RAB7A: variants seen among roughly 807,000 people sequenced by gnomAD.
RAB7A encodes RAB7A, member RAS oncogene family.
A neutral mutation model predicts 24.5 loss-of-function variants in RAB7A; 2 were observed. That is an observed-to-expected ratio of 0.08 (90% CI 0.03 to 0.26). RAB7A has a LOEUF of 0.26. Ranked by LOEUF, RAB7A falls within the 10% of genes least tolerant of loss-of-function variation. The probability of loss-of-function intolerance (pLI) is 1.00; values close to 1 mark genes in which losing one functional copy is unlikely to be tolerated. For synonymous variants in RAB7A, 100 were observed against 95.9 expected, an observed-to-expected ratio of 1.04 and a Z score of -0.25; for missense variants, 118 against 255.7, an observed-to-expected ratio of 0.46 and a Z score of 3.67.
intron 1 of RAB7A, among the ~76,000 whole-genome samples, chr3:128,781,120 GGACATTA>G (rs1933209584): frequency 6.6e-6 from 1 of 152,150 alleles, no homozygotes; most frequent in South Asian, 2.1e-4. Context: ...AATACAACAA[GGACATTA>G]GACTCATGTC....
At chr3:128,807,219 C>A (rs1933823170) in intron 4 of RAB7A, among the ~76,000 whole-genome samples, 1 of 152,146 alleles carries the variant, frequency 6.6e-6, no homozygotes, top group Non-Finnish European at 1.5e-5. Flanking sequence ...TCTCTGAGGT[C>A]CCAGTAAACA....
intron 1 of RAB7A, chr3:128,748,736 C>G (rs749626403): frequency 5.3e-5 from 8 of 152,162 alleles, no homozygotes; most frequent in Admixed American, 1.3e-4. Context: ...CATAATCTAG[C>G]CTATTGTGTT....
rs1933972571 is a variant in RAB7A at position 128,813,485 on chromosome 3, A to G, written c.*63A>G. 1.4e-6 allele frequency: 2 copies of G among 1,427,530 alleles called. No homozygotes were observed. Among genetic ancestry groups the G allele is most frequent in the Non-Finnish European group, 2.0e-6 (2 of 1,012,152 alleles). 88.4% of individuals were successfully genotyped at this position (1,427,530 alleles called of 1,614,324 possible). On this transcript the variant is annotated 3_prime_UTR_variant, in exon 6 of 6. Transcript: ENST00000265062. ...CCAAGAACACACGTAGGCCTTCAAC[A>G]CAATTCCCCTCTCCTCTTCCAAACA... is the stretch of plus-strand genomic sequence containing the variant.
At chr3:128,737,526 G>C (rs1226567158) in intron 1 of RAB7A, among the ~76,000 whole-genome samples, 1 of 150,804 alleles carries the variant, frequency 6.6e-6, no homozygotes, top group African/African-American at 2.4e-5. Flanking sequence ...TTATATTTTT[G>C]ATAGAGATGG....
chr3:128,789,951 C>A (rs1933421211), intron 1 of RAB7A, among the ~76,000 whole-genome samples: 2 of 152,068 alleles, frequency 1.3e-5, no homozygotes, highest in Admixed American at 1.3e-4. Flanking sequence ...CCACCACGCG[C>A]AGCTTAATTT....
At chr3:128,784,472 G>T (rs184707875) in intron 1 of RAB7A, among the ~76,000 whole-genome samples, 8 of 152,264 alleles carry the variant, frequency 5.3e-5, no homozygotes, top group Admixed American at 5.2e-4. Flanking sequence ...CCACCGCAGG[G>T]TCTCCTACCC....
At chr3:128,726,665 C>T (rs990833421) in intron 1 of RAB7A, among the ~76,000 whole-genome samples, 1 of 152,208 alleles carries the variant, frequency 6.6e-6, no homozygotes, top group Non-Finnish European at 1.5e-5. Flanking sequence ...CTTGGGCGGC[C>T]CTGCGCCGCG....
At chr3:128,774,821 C>G (rs1393740344) in intron 1 of RAB7A, among the ~76,000 whole-genome samples, 1 of 152,182 alleles carries the variant, frequency 6.6e-6, no homozygotes, top group Non-Finnish European at 1.5e-5. Context: ...ATCCGCCCAC[C>G]TCGGCCTCCC....
intron 1 of RAB7A, among the ~76,000 whole-genome samples, chr3:128,781,625 A>G (rs1933223781): frequency 6.6e-6 from 1 of 152,172 alleles, no homozygotes; most frequent in Non-Finnish European, 1.5e-5. Context: ...TGCAGTGATC[A>G]TGCTCTACTG....
At chr3:128,811,934 C>T (rs1933936162) in intron 5 of RAB7A, among the ~76,000 whole-genome samples, 1 of 151,746 alleles carries the variant, frequency 6.6e-6, no homozygotes. Flanking sequence ...AATTAAGTGT[C>T]CAGAATAATA....
At chr3:128,808,907 T>C (rs920310187) in intron 5 of RAB7A, among the ~76,000 whole-genome samples, 3 of 152,204 alleles carry the variant, frequency 2.0e-5, no homozygotes, top group Admixed American at 6.5e-5. Flanking sequence ...GGGTGGGGTC[T>C]GCACTAAGTG....
chr3:128,758,865 T>A (rs568746805), intron 1 of RAB7A, among the ~76,000 whole-genome samples: 1 of 152,306 alleles, frequency 6.6e-6, no homozygotes, highest in East Asian at 1.9e-4. Context: ...TTGCTTAAGA[T>A]TTAACATATG....
intron 1 of RAB7A, among the ~76,000 whole-genome samples, chr3:128,728,063 T>C (rs2070398328): frequency 6.6e-6 from 1 of 151,280 alleles, no homozygotes; most frequent in Non-Finnish European, 1.5e-5. Context: ...CACCTTTTTA[T>C]TCATTCATTA....
intron 5 of RAB7A, among the ~76,000 whole-genome samples, chr3:128,809,936 C>CTTTTTGTTTTTTTTT (rs1933887268): frequency 1.9e-5 from 1 of 52,216 alleles, no homozygotes; most frequent in Non-Finnish European, 3.4e-5. Flanking sequence ...TTGCCACAGT[C>CTTTTTGTTTTTTTTT]TTTTTTTTTT....
chr3:128,769,398 C>T (rs2070863825), intron 1 of RAB7A, among the ~76,000 whole-genome samples: 1 of 152,124 alleles, frequency 6.6e-6, no homozygotes, highest in African/African-American at 2.4e-5. Context: ...TAAAGATTAG[C>T]AGTGTTGAAC....
chr3:128,764,715 C>T, intron 1 of RAB7A: 1 of 799,982 alleles, frequency 1.3e-6, no homozygotes, highest in Non-Finnish European at 2.2e-6. Context: ...ATGCACACTC[C>T]ATTGCATTCA....
intron 1 of RAB7A, among the ~76,000 whole-genome samples, chr3:128,773,845 TG>T (rs1207793889): frequency 2.6e-5 from 4 of 152,168 alleles, no homozygotes; most frequent in African/African-American, 7.2e-5. Context: ...TTAAGGGCGG[TG>T]CAAGATGTGC....
At chr3:128,785,987 A>C (rs1933329535) in intron 1 of RAB7A, among the ~76,000 whole-genome samples, 1 of 152,084 alleles carries the variant, frequency 6.6e-6, no homozygotes, top group Non-Finnish European at 1.5e-5. Context: ...AATTCCACAA[A>C]AGTGGCTTGG....
At chr3:128,776,884 C>T (rs9866019) in intron 1 of RAB7A, among the ~76,000 whole-genome samples, 64,352 of 151,222 alleles carry the variant, frequency 0.43, 16,586 homozygotes, top group Non-Finnish European at 0.58. Context: ...GCCATTCTAA[C>T]GGGTGTGAGG....
Sources: allele counts gnomAD v4.1 joint callset (sites outside exome capture counted in the v4.1 genomes callset), GRCh38; gene constraint gnomAD v4.1.1; transcripts MANE v1.5; gene names NCBI Gene and HGNC (gene_info 2026-07-23, HGNC 2026-07-21).